The following SDCCAG8 variants were observed in gnomAD, a reference collection of about 807,000 sequenced individuals.
SDCCAG8 encodes the protein serologically defined colon cancer antigen 8.
SDCCAG8 carries 74 observed loss-of-function variants against 101.8 expected under a neutral mutation model. The observed-to-expected ratio is 0.73, with a 90% CI of 0.60 to 0.88. The LOEUF is 0.88. Among genes scored for constraint, SDCCAG8 ranks in the 40% least tolerant of loss-of-function variants. The pLI is 0.00. For synonymous variants in SDCCAG8, 281 were observed against 292.9 expected (o/e 0.96, Z 0.41); for missense variants, 787 against 822.6 (o/e 0.96, Z 0.53).
intron 13 of SDCCAG8, among the ~76,000 whole-genome samples, chr1:243,394,009 A>G (rs1355594598): frequency 2.6e-5 from 4 of 152,214 alleles, no homozygotes; most frequent in African/African-American, 7.2e-5. Context: ...AATAAAAGAG[A>G]AAACTGACCT....
Position 243,426,409 on chromosome 1 carries a change from TTG to T in SDCCAG8, c.1854-14_1854-13del. The T allele has an allele frequency of 6.2e-7, 1 of 1,607,282 alleles. No homozygotes were observed. The highest frequency in any genetic ancestry group is 8.5e-7 in the Non-Finnish European group (1 of 1,174,498). ...TAAGAACTTCTAACATCTATTATTTTTGTGTTTTCACCTCTAGATCTGAAATA... is the reference window on the plus strand; with the variant it reads ...TAAGAACTTCTAACATCTATTATTTTTGTTTTCACCTCTAGATCTGAAATA... On this transcript the variant is annotated splice_polypyrimidine_tract_variant and intron_variant, in intron 15 of 17. Coordinates refer to ENST00000366541, the MANE Select transcript of SDCCAG8 (RefSeq NM_006642.5).
intron 10 of SDCCAG8, among the ~76,000 whole-genome samples, chr1:243,337,745 C>A (rs2636319): frequency 0.47 from 71,061 of 151,580 alleles, 18,458 homozygotes; most frequent in East Asian, 0.74. Context: ...GAAAGAGAGA[C>A]GGAGCCTTCT....
intron 1 of SDCCAG8, among the ~76,000 whole-genome samples, chr1:243,263,468 G>T (rs2067342370): frequency 6.6e-6 from 1 of 152,090 alleles, no homozygotes; most frequent in African/African-American, 2.4e-5. Context: ...GATTGTATTT[G>T]CTGGTGATTT....
At chr1:243,445,830 G>T (rs1403599457) in intron 16 of SDCCAG8, among the ~76,000 whole-genome samples, 1 of 152,174 alleles carries the variant, frequency 6.6e-6, no homozygotes, top group East Asian at 1.9e-4. Flanking sequence ...GTGTTGGGGG[G>T]TGGAAATTCA....
rs547357559 is a variant in SDCCAG8, at chr1:243,317,313, A to G, written c.1068+420A>G. Among the ~76,000 whole-genome samples the G allele has an allele frequency of 2.0e-5, 3 of 150,152 alleles. No individual in the cohort carries two copies. In the South Asian group the frequency reaches 6.4e-4, roughly 32 times the overall value. ...CAAAGACAATAATATATACATATTT[A>G]GTAGCATTTTTTTTTTTTTTTTTTT... On this transcript the variant is annotated intron_variant, in intron 9 of 17. Transcript: ENST00000366541.
In SDCCAG8 at chr1:243,270,061, A is replaced by G. The variant is rs1032161292; in HGVS notation, c.68-44A>G. On this transcript the variant is annotated intron_variant, in intron 1 of 17. Coordinates refer to ENST00000366541, the MANE Select transcript of SDCCAG8 (RefSeq NM_006642.5). Reference sequence around the variant, plus strand: ...TCCTGAGTAAGTGTCCGTTTGGTCAACCAGACTCCATGGGTCCTAACTTTC... The same window carrying G: ...TCCTGAGTAAGTGTCCGTTTGGTCAGCCAGACTCCATGGGTCCTAACTTTC... 3.1e-6 allele frequency: 5 copies of G among 1,614,034 alleles called. No individual in the cohort carries two copies. The South Asian group carries it at 5.5e-5, about 18-fold the overall frequency.
At chr1:243,290,253 A>G (rs1246864922) in intron 5 of SDCCAG8, among the ~76,000 whole-genome samples, 1 of 151,366 alleles carries the variant, frequency 6.6e-6, no homozygotes, top group African/African-American at 2.4e-5. Flanking sequence ...GTTTTGAATG[A>G]TCTTCAAGGA....
At chr1:243,296,747 G>A (rs1322030902) in intron 6 of SDCCAG8, among the ~76,000 whole-genome samples, 3 of 150,790 alleles carry the variant, frequency 2.0e-5, no homozygotes, top group Non-Finnish European at 3.0e-5. Flanking sequence ...GGGTTTCACC[G>A]TGGTCTCGAT....
At chr1:243,269,805 T>C (rs2067938773) in intron 1 of SDCCAG8, among the ~76,000 whole-genome samples, 1 of 152,150 alleles carries the variant, frequency 6.6e-6, no homozygotes, top group African/African-American at 2.4e-5. Flanking sequence ...TATTGTTTAA[T>C]GGGAGCTGGT....
intron 4 of SDCCAG8, among the ~76,000 whole-genome samples, chr1:243,283,144 G>A (rs1408834875): frequency 1.3e-5 from 2 of 151,946 alleles, no homozygotes; most frequent in South Asian, 4.1e-4. Context: ...CACCGCACCC[G>A]GCCTGATTTT....
chr1:243,356,958 C>G (rs2076419931), intron 12 of SDCCAG8, among the ~76,000 whole-genome samples: 1 of 152,148 alleles, frequency 6.6e-6, no homozygotes. Flanking sequence ...TGTTCATGCA[C>G]TGCACTGCAG....
At chr1:243,446,813 G>C (rs1465694583) in intron 16 of SDCCAG8, among the ~76,000 whole-genome samples, 1 of 152,112 alleles carries the variant, frequency 6.6e-6, no homozygotes, top group East Asian at 1.9e-4. Context: ...CCCAGTTGGG[G>C]CTGCTTGGGG....
intron 13 of SDCCAG8, among the ~76,000 whole-genome samples, chr1:243,413,534 G>A (rs1330519144): frequency 1.3e-5 from 2 of 152,158 alleles, no homozygotes; most frequent in East Asian, 3.8e-4. Flanking sequence ...TCAGTAATTA[G>A]GCAGCTTATT....
intron 13 of SDCCAG8, among the ~76,000 whole-genome samples, chr1:243,398,641 T>C (rs1412617589): frequency 6.6e-6 from 1 of 152,246 alleles, no homozygotes; most frequent in Non-Finnish European, 1.5e-5. Flanking sequence ...TATATAATAA[T>C]GCTACTAGCA....
At chr1:243,440,223 C>T (rs953378684) in intron 16 of SDCCAG8, among the ~76,000 whole-genome samples, 13 of 151,956 alleles carry the variant, frequency 8.6e-5, no homozygotes, top group African/African-American at 2.4e-4. Flanking sequence ...ATTTGCCTGG[C>T]GTGTACAAAA....
intron 16 of SDCCAG8, among the ~76,000 whole-genome samples, chr1:243,485,131 C>T (rs1398827805): frequency 6.6e-6 from 1 of 152,040 alleles, no homozygotes; most frequent in Non-Finnish European, 1.5e-5. Context: ...GAGTTAACCA[C>T]CATTAACGAT....
At chr1:243,415,101 G>A (rs985278781) in intron 13 of SDCCAG8, among the ~76,000 whole-genome samples, 6 of 152,084 alleles carry the variant, frequency 3.9e-5, no homozygotes, top group Non-Finnish European at 8.8e-5. Flanking sequence ...ACCCACGAGG[G>A]ATTTTATTAT....
intron 3 of SDCCAG8, 119 bp from the exon 4 acceptor site, chr1:243,274,424 C>T (rs997138264): frequency 1.7e-5 from 11 of 639,508 alleles, no homozygotes; most frequent in Non-Finnish European, 2.6e-5. Flanking sequence ...TATATCACAT[C>T]AGTGCAAAAT....
chr1:243,452,799 T>C (rs1295956012), intron 16 of SDCCAG8, among the ~76,000 whole-genome samples: 1 of 152,138 alleles, frequency 6.6e-6, no homozygotes, highest in Non-Finnish European at 1.5e-5. Flanking sequence ...AAACTTAATG[T>C]TTACTTATTT....
Sources: gnomAD v4.1 joint callset for allele counts (sites outside exome capture counted in the v4.1 genomes callset) on GRCh38, gnomAD v4.1.1 for gene constraint, MANE v1.5 for transcripts, NCBI Gene and HGNC (gene_info 2026-07-23, HGNC 2026-07-21) for gene names.